Variants in STXBP5 observed in about 807,000 individuals in gnomAD.
The protein encoded by STXBP5 is syntaxin-binding protein 5.
In STXBP5, 50 loss-of-function variants were observed where a neutral mutation model predicts 152.4. That is an observed-to-expected ratio of 0.33 (90% confidence interval 0.26 to 0.42). The LOEUF (loss-of-function observed/expected upper bound fraction) is 0.42, where lower values mean the gene tolerates loss of function less well. STXBP5 is among the 10% of genes least tolerant of loss of function. The probability of loss-of-function intolerance (pLI) is 1.00; values close to 1 mark genes in which losing one functional copy is unlikely to be tolerated. For synonymous variants in STXBP5, 492 were observed against 494.7 expected, an observed-to-expected ratio of 0.99 and a Z score of 0.07; for missense variants, 1,167 against 1,388.6, an observed-to-expected ratio of 0.84 and a Z score of 2.54.
chr6:147,238,240 G>A (rs952385642), intron 3 of STXBP5, among the ~76,000 whole-genome samples: 1 of 152,176 alleles, frequency 6.6e-6, no homozygotes, highest in African/African-American at 2.4e-5. Context: ...GTCTCATGCT[G>A]CCTCATAACA....
intron 2 of STXBP5, among the ~76,000 whole-genome samples, chr6:147,208,008 A>T (rs186552330): frequency 2.0e-4 from 31 of 152,306 alleles, no homozygotes; most frequent in African/African-American, 7.2e-4. Context: ...CCTAGTGTGA[A>T]TTGCCAATTA....
chr6:147,305,080 G>A (rs1194449010), intron 9 of STXBP5, among the ~76,000 whole-genome samples: 1 of 152,142 alleles, frequency 6.6e-6, no homozygotes, highest in South Asian at 2.1e-4. Context: ...TGCTAGGCTA[G>A]TGTTGCTCAA....
chr6:147,337,351 AGC>A (rs1395055982), intron 19 of STXBP5, among the ~76,000 whole-genome samples: 7 of 152,086 alleles, frequency 4.6e-5, no homozygotes, highest in Non-Finnish European at 8.8e-5. Flanking sequence ...AAAAACAATA[AGC>A]TGTAGATATT....
At chr6:147,346,337 T>C (rs983536278) in intron 21 of STXBP5, among the ~76,000 whole-genome samples, 1 of 152,194 alleles carries the variant, frequency 6.6e-6, no homozygotes, top group Non-Finnish European at 1.5e-5. Context: ...GAGGACCGAC[T>C]GACTAGAGGT....
chr6:147,335,260 A>G (rs1195580799), intron 19 of STXBP5, among the ~76,000 whole-genome samples: 1 of 152,208 alleles, frequency 6.6e-6, no homozygotes, highest in African/African-American at 2.4e-5. Flanking sequence ...AATGAATAAT[A>G]TGAAGCAGGA....
chr6:147,252,001 G>A (rs1020415686), intron 4 of STXBP5, among the ~76,000 whole-genome samples: 3 of 152,104 alleles, frequency 2.0e-5, no homozygotes, highest in African/African-American at 7.2e-5. Flanking sequence ...CTGTTAGAAG[G>A]AAAACTAACA....
chr6:147,239,788 A>G (rs1778447507), intron 4 of STXBP5, among the ~76,000 whole-genome samples: 1 of 152,194 alleles, frequency 6.6e-6, no homozygotes, highest in Non-Finnish European at 1.5e-5. Context: ...CTTTGTCTAC[A>G]TATACAAGTA....
At chr6:147,223,992 G>A (rs1209015037) in intron 2 of STXBP5, among the ~76,000 whole-genome samples, 2 of 152,330 alleles carry the variant, frequency 1.3e-5, no homozygotes, top group African/African-American at 2.4e-5. Context: ...AAACTGTTAC[G>A]TGAAATATTT....
chr6:147,238,396 C>G (rs150441008), intron 3 of STXBP5, among the ~76,000 whole-genome samples: 222 of 152,298 alleles, frequency 1.5e-3, no homozygotes, highest in Admixed American at 4.4e-3. Flanking sequence ...TTAAACCCTT[C>G]ACAGAGGCAG....
chr6:147,237,428 CTAT>C (rs1310631671), intron 3 of STXBP5, among the ~76,000 whole-genome samples: 3 of 152,092 alleles, frequency 2.0e-5, no homozygotes, highest in African/African-American at 7.2e-5. Context: ...AAGAAGACAG[CTAT>C]TATTGCTATT....
At chr6:147,335,699 C>T (rs1021628453) in intron 19 of STXBP5, among the ~76,000 whole-genome samples, 5 of 152,026 alleles carry the variant, frequency 3.3e-5, no homozygotes, top group Non-Finnish European at 7.4e-5. Flanking sequence ...ACTCGGGAGG[C>T]TGAGGCAGGA....
intron 25 of STXBP5, among the ~76,000 whole-genome samples, chr6:147,370,236 T>TTG (rs1212576285): frequency 2.0e-5 from 3 of 151,968 alleles, no homozygotes; most frequent in African/African-American, 7.2e-5. Flanking sequence ...GGATATGGGG[T>TTG]TGTTAAAGAA....
At chr6:147,235,386 G>A (rs1196462740) in intron 3 of STXBP5, 55 bp downstream of exon 3, 20 of 1,405,306 alleles carry the variant, frequency 1.4e-5, no homozygotes, top group Non-Finnish European at 1.9e-5. Context: ...GCCACTTCTA[G>A]TCTTTCAGAT....
At chr6:147,289,789 C>G (rs1781185798) in intron 8 of STXBP5, among the ~76,000 whole-genome samples, 1 of 152,000 alleles carries the variant, frequency 6.6e-6, no homozygotes, top group African/African-American at 2.4e-5. Flanking sequence ...TCTTACGCTG[C>G]TGATAGAACT....
intron 2 of STXBP5, among the ~76,000 whole-genome samples, chr6:147,226,936 T>C (rs1238076940): frequency 2.6e-5 from 4 of 152,164 alleles, no homozygotes; most frequent in Admixed American, 2.6e-4. Flanking sequence ...ATTAGGATCA[T>C]TAGTACAAGA....
rs537775122 is a variant in STXBP5 at position 147,251,806 on chromosome 6, G to A, written c.432-8809G>A. On this transcript the variant is annotated intron_variant, in intron 4 of 27. Transcript: ENST00000321680. ...ATGTATCCTTACTGGGAGACACCTC[G>A]CAGCAGGGGTCGACAGACACCTCAT... is the stretch of plus-strand genomic sequence containing the variant. 2.5e-3 allele frequency among the ~76,000 whole-genome samples: 388 copies of A among 152,310 alleles called. 2 individuals are homozygous for A. Among genetic ancestry groups the A allele is most frequent in the African/African-American group, 8.7e-3 (362 of 41,580 alleles).
At chr6:147,237,941 C>T (rs867990559) in intron 3 of STXBP5, among the ~76,000 whole-genome samples, 2 of 152,098 alleles carry the variant, frequency 1.3e-5, no homozygotes, top group Non-Finnish European at 2.9e-5. Context: ...TTTCTGAGTC[C>T]TTTGAGGAAA....
intron 17 of STXBP5, 21 bp from the exon 18 acceptor site, chr6:147,327,100 ATGTT>A (rs748310793): frequency 1.9e-6 from 3 of 1,602,674 alleles, no homozygotes; most frequent in Non-Finnish European, 2.6e-6. Context: ...TTGTGCTAAA[ATGTT>A]TGTTATTTTC....
chr6:147,237,926 A>G (rs1244461962), intron 3 of STXBP5, among the ~76,000 whole-genome samples: 1 of 152,172 alleles, frequency 6.6e-6, no homozygotes, highest in Non-Finnish European at 1.5e-5. Flanking sequence ...AGTATTGATG[A>G]TAGATTTCTG....
Sources: allele counts gnomAD v4.1 joint callset (sites outside exome capture counted in the v4.1 genomes callset), GRCh38; gene constraint gnomAD v4.1.1; transcripts MANE v1.5; gene names NCBI Gene and HGNC (gene_info 2026-07-23, HGNC 2026-07-21).